The following CLYBL variants were observed in gnomAD, a reference collection of about 807,000 sequenced individuals.
CLYBL encodes the protein citramalyl-CoA lyase, mitochondrial.
A neutral mutation model predicts 38.9 loss-of-function variants in CLYBL; 31 were observed. The ratio of observed to expected loss-of-function variants is 0.80; its 90% CI spans 0.60 to 1.08. CLYBL has a LOEUF of 1.08. Among genes scored for constraint, CLYBL ranks in the 50% least tolerant of loss-of-function variants. The pLI is 0.00. For synonymous variants in CLYBL, 171 were observed against 158.6 expected, an observed-to-expected ratio of 1.08 and a Z score of -0.59; for missense variants, 434 against 411.6, an observed-to-expected ratio of 1.05 and a Z score of -0.47.
intron 1 of CLYBL, among the ~76,000 whole-genome samples, chr13:99,699,857 G>A (rs2048037162): frequency 1.3e-5 from 2 of 151,452 alleles, no homozygotes; most frequent in Admixed American, 1.3e-4. Flanking sequence ...AGCTGGGCGT[G>A]GTGGCGGGTG....
At chr13:99,741,641 G>A (rs779062554) in intron 1 of CLYBL, among the ~76,000 whole-genome samples, 34 of 152,322 alleles carry the variant, frequency 2.2e-4, no homozygotes, top group Admixed American at 1.4e-3. Flanking sequence ...ACTCTAGTCC[G>A]CGTTCAAGTA....
chr13:99,714,540 C>A (rs1353472445), intron 1 of CLYBL, among the ~76,000 whole-genome samples: 1 of 152,028 alleles, frequency 6.6e-6, no homozygotes, highest in South Asian at 2.1e-4. Context: ...CTGCTTGAAC[C>A]GGGGAGGTAG....
At chr13:99,754,748 C>CTTTTTT (rs35982336) in intron 1 of CLYBL, among the ~76,000 whole-genome samples, 3 of 124,448 alleles carry the variant, frequency 2.4e-5, no homozygotes, top group Non-Finnish European at 4.9e-5. Flanking sequence ...CCATGCCCAG[C>CTTTTTT]TTTTTTTTTT....
intron 8 of CLYBL, among the ~76,000 whole-genome samples, chr13:99,904,807 C>A (rs949842850): frequency 3.3e-5 from 5 of 152,206 alleles, no homozygotes; most frequent in Non-Finnish European, 5.9e-5. Context: ...AAGTGAGTCC[C>A]ACAGCCCCGC....
chr13:99,656,037 G>A (rs550252203), intron 1 of CLYBL, among the ~76,000 whole-genome samples: 57 of 152,268 alleles, frequency 3.7e-4, no homozygotes, highest in African/African-American at 1.2e-3. Context: ...ACAGTCTCGC[G>A]GGGAGACCTG....
chr13:99,640,008 A>AT (rs1337187912), intron 1 of CLYBL, among the ~76,000 whole-genome samples: 4 of 152,232 alleles, frequency 2.6e-5, no homozygotes, highest in African/African-American at 9.6e-5. Flanking sequence ...CAGGCATGTG[A>AT]TTGTCATATA....
At chr13:99,824,257 G>GCCA (rs2050646417) in intron 2 of CLYBL, among the ~76,000 whole-genome samples, 1 of 130,412 alleles carries the variant, frequency 7.7e-6, no homozygotes, top group Non-Finnish European at 1.6e-5. Flanking sequence ...CTGACTAATA[G>GCCA]CCCCCCCCAC....
intron 8 of CLYBL, 146 bp downstream of exon 8, chr13:99,891,583 C>A: frequency 1.9e-6 from 1 of 536,974 alleles, no homozygotes. Flanking sequence ...CCAGTTATTC[C>A]CCTAAAAAAA....
At chr13:99,871,352 C>T (rs1396484640) in intron 7 of CLYBL, among the ~76,000 whole-genome samples, 4 of 152,152 alleles carry the variant, frequency 2.6e-5, no homozygotes, top group South Asian at 4.1e-4. Context: ...TCTCTACAGA[C>T]TTCTATGCAG....
intron 2 of CLYBL, among the ~76,000 whole-genome samples, chr13:99,836,879 G>A (rs1468327040): frequency 6.6e-6 from 1 of 151,990 alleles, no homozygotes; most frequent in Admixed American, 6.6e-5. Flanking sequence ...ATCACACACC[G>A]GGGACTGTTG....
chr13:99,780,195 C>A (rs73570369), intron 2 of CLYBL, among the ~76,000 whole-genome samples: 6,849 of 152,146 alleles, frequency 0.045, 261 homozygotes, highest in African/African-American at 0.095. Context: ...TACTGACCAT[C>A]TTTATCCCTT....
chr13:99,643,510 AT>A (rs2047126762), intron 1 of CLYBL, among the ~76,000 whole-genome samples: 1 of 152,188 alleles, frequency 6.6e-6, no homozygotes, highest in Non-Finnish European at 1.5e-5. Flanking sequence ...TTTTCAAGAA[AT>A]TGTCTCAATT....
intron 1 of CLYBL, among the ~76,000 whole-genome samples, chr13:99,614,713 G>A (rs1392359116): frequency 6.6e-6 from 1 of 152,166 alleles, no homozygotes; most frequent in Non-Finnish European, 1.5e-5. Flanking sequence ...CCGTGGACCA[G>A]AGCCATCTAG....
rs1292792378 is a variant in CLYBL at position 99,817,673 on chromosome 13, A to G, written c.250-41188A>G. 2.6e-4 allele frequency among the ~76,000 whole-genome samples: 34 copies of G among 128,402 alleles called. No homozygotes were observed. In the South Asian group the frequency reaches 7.6e-3, roughly 29 times the overall value. 84.2% of individuals were successfully genotyped at this position (128,402 alleles called of 152,430 possible). ...CTGTCTCAAAAAAAAAAAAAAAAAA[A>G]GAAAAGAAAAAAGAAAAGCACTGAG... On this transcript the variant is annotated intron_variant, in intron 2 of 8. Coordinates refer to ENST00000339105, the MANE Select transcript of CLYBL (RefSeq NM_206808.5).
chr13:99,835,663 C>T (rs1197965567), intron 2 of CLYBL, among the ~76,000 whole-genome samples: 3 of 152,220 alleles, frequency 2.0e-5, no homozygotes, highest in Non-Finnish European at 4.4e-5. Flanking sequence ...TCACCCTGCA[C>T]TGCATTTTTG....
intron 2 of CLYBL, among the ~76,000 whole-genome samples, chr13:99,816,619 C>A (rs964409453): frequency 6.6e-6 from 1 of 152,162 alleles, no homozygotes; most frequent in East Asian, 1.9e-4. Flanking sequence ...ACTGGACTAG[C>A]GCCCATATGA....
intron 1 of CLYBL, among the ~76,000 whole-genome samples, chr13:99,697,322 CGCTT>C (rs2047994902): frequency 1.3e-5 from 2 of 152,224 alleles, no homozygotes. Context: ...TACTCACTCT[CGCTT>C]GCGTCTTCTT....
chr13:99,655,972 C>T (rs976109507), intron 1 of CLYBL, among the ~76,000 whole-genome samples: 1 of 152,168 alleles, frequency 6.6e-6, no homozygotes, highest in African/African-American at 2.4e-5. Context: ...GCGGTCAAGA[C>T]GATTCCTTAT....
chr13:99,691,038 G>A (rs993265902), intron 1 of CLYBL: 5 of 152,306 alleles, frequency 3.3e-5, no homozygotes, highest in African/African-American at 9.6e-5. Flanking sequence ...TCTGGATTGA[G>A]TGTCTCTCCT....
Sources: allele counts gnomAD v4.1 joint callset (sites outside exome capture counted in the v4.1 genomes callset), GRCh38; gene constraint gnomAD v4.1.1; transcripts MANE v1.5; gene names NCBI Gene and HGNC (gene_info 2026-07-23, HGNC 2026-07-21).